Variants in IL36B observed in about 807,000 individuals in gnomAD.
IL36B encodes interleukin-36 beta.
A neutral mutation model predicts 19.3 loss-of-function variants in IL36B; 23 were observed. The ratio of observed to expected loss-of-function variants is 1.19; its 90% confidence interval spans 0.86 to 1.69. The LOEUF (loss-of-function observed/expected upper bound fraction) is 1.69, where lower values mean the gene tolerates loss of function less well. Among genes scored for constraint, IL36B ranks in the 40% most tolerant of loss-of-function variants. The probability of loss-of-function intolerance (pLI) is 0.00; values close to 1 mark genes in which losing one functional copy is unlikely to be tolerated. For synonymous variants in IL36B, 59 were observed against 59.7 expected, an observed-to-expected ratio of 0.99 and a Z score of 0.05; for missense variants, 217 against 200.5, an observed-to-expected ratio of 1.08 and a Z score of -0.50.
intron 3 of IL36B, 67 bp from the exon 4 acceptor site, chr2:113,029,145 C>T (rs989169246): frequency 1.3e-5 from 19 of 1,508,710 alleles, no homozygotes; most frequent in Non-Finnish European, 9.0e-7. Context: ...GTTACTCCCC[C>T]CAGGTAGGGA....
chr2:113,051,665 T>G (rs994599354), intron 1 of IL36B, among the ~76,000 whole-genome samples: 15 of 152,302 alleles, frequency 9.8e-5, no homozygotes, highest in Non-Finnish European at 7.4e-5. Flanking sequence ...TCGAAAGCGC[T>G]ATGAGCCAAG....
At chr2:113,028,412 A>G (rs1466254480) in intron 4 of IL36B, among the ~76,000 whole-genome samples, 1 of 152,142 alleles carries the variant, frequency 6.6e-6, no homozygotes, top group Non-Finnish European at 1.5e-5. Flanking sequence ...TTTGATATGC[A>G]TTTGTCTGCA....
At chr2:113,040,981 C>T (rs1386903593) in intron 1 of IL36B, among the ~76,000 whole-genome samples, 1 of 151,946 alleles carries the variant, frequency 6.6e-6, no homozygotes, top group Non-Finnish European at 1.5e-5. Flanking sequence ...CTTAGCAACA[C>T]CCTGTCTCTA....
chr2:113,028,195 G>A (rs1279605294), intron 4 of IL36B, 80 bp from the exon 5 acceptor site: 26 of 1,102,356 alleles, frequency 2.4e-5, no homozygotes, highest in Non-Finnish European at 3.4e-5. Flanking sequence ...TGTGTAACAG[G>A]AGAGGGACTG....
chr2:113,046,554 A>G (rs1458034995), intron 1 of IL36B, among the ~76,000 whole-genome samples: 1 of 152,090 alleles, frequency 6.6e-6, no homozygotes, highest in African/African-American at 2.4e-5. Flanking sequence ...CCATTCCATC[A>G]AAGATAAGAC....
At chr2:113,046,305 G>A (rs1685349182) in intron 1 of IL36B, among the ~76,000 whole-genome samples, 1 of 151,174 alleles carries the variant, frequency 6.6e-6, no homozygotes, top group African/African-American at 2.4e-5. Context: ...CACCTCCCGG[G>A]TTCATGCCAT....
chr2:113,026,404 C>T (rs1487514169), intron 4 of IL36B, among the ~76,000 whole-genome samples: 1 of 152,070 alleles, frequency 6.6e-6, no homozygotes, highest in Non-Finnish European at 1.5e-5. Flanking sequence ...AGAGATAATG[C>T]CAGAAGCATA....
chr2:113,049,129 C>T (rs1685398757), intron 1 of IL36B, among the ~76,000 whole-genome samples: 1 of 151,986 alleles, frequency 6.6e-6, no homozygotes, highest in African/African-American at 2.4e-5. Flanking sequence ...TATCTTATAC[C>T]ACATAAAAAC....
At chr2:113,040,607 G>A (rs1685237982) in intron 1 of IL36B, among the ~76,000 whole-genome samples, 3 of 152,038 alleles carry the variant, frequency 2.0e-5, no homozygotes. Flanking sequence ...CAGGCTATCA[G>A]AAAATGAAAG....
At chr2:113,042,164 C>T (rs979339169) in intron 1 of IL36B, among the ~76,000 whole-genome samples, 1 of 152,172 alleles carries the variant, frequency 6.6e-6, no homozygotes, top group Non-Finnish European at 1.5e-5. Flanking sequence ...TCACCTGTCA[C>T]CCTATGTTGT....
intron 4 of IL36B, among the ~76,000 whole-genome samples, chr2:113,026,671 A>C (rs951908477): frequency 2.6e-5 from 4 of 152,222 alleles, no homozygotes; most frequent in African/African-American, 9.6e-5. Flanking sequence ...ACTGGCTTAA[A>C]AGTATCCCTA....
intron 4 of IL36B, 26 bp downstream of exon 4, chr2:113,028,913 C>A (rs1045953285): frequency 1.2e-6 from 2 of 1,609,538 alleles, no homozygotes; most frequent in Non-Finnish European, 1.7e-6. Context: ...GACAGTACTT[C>A]TCTCGTTAGC....
chr2:113,044,097 G>T (rs1426866029), intron 1 of IL36B, among the ~76,000 whole-genome samples: 1 of 152,116 alleles, frequency 6.6e-6, no homozygotes, highest in Non-Finnish European at 1.5e-5. Context: ...TGACCCTTGA[G>T]GAAGGCATAT....
At chr2:113,027,711 G>A (rs1053731041) in intron 4 of IL36B, 5 of 1,422,334 alleles carry the variant, frequency 3.5e-6, no homozygotes, top group Non-Finnish European at 4.6e-6. Flanking sequence ...TCTTGGGATA[G>A]TGACATTCGA....
intron 1 of IL36B, among the ~76,000 whole-genome samples, chr2:113,032,946 C>T (rs576083961): frequency 1.6e-3 from 249 of 152,266 alleles, no homozygotes; most frequent in Non-Finnish European, 2.7e-3. Context: ...TGAGGAAATG[C>T]GGATTAGGCC....
chr2:113,043,140 C>A (rs2105054358), intron 1 of IL36B, among the ~76,000 whole-genome samples: 1 of 151,732 alleles, frequency 6.6e-6, no homozygotes, highest in Admixed American at 6.6e-5. Flanking sequence ...TTTTTGTTTC[C>A]TTTTTATTAA....
Position 113,038,230 on chromosome 2 carries a change from T to C in IL36B, c.-57-6464A>G, listed in dbSNP as rs1007441882. On this transcript the variant is annotated intron_variant, in intron 1 of 5. Transcript: ENST00000259213. ...ATGCTTTTCTTCTTGCTACAAGTTG[T>C]TGAAAGAGAGGCCTTCTGAGAACAG... Among the ~76,000 whole-genome samples, 5 of 152,298 alleles carry C rather than the reference T, an allele frequency of 3.3e-5. No homozygotes were observed. The East Asian group carries it at 9.7e-4, about 29-fold the overall frequency.
intron 1 of IL36B, among the ~76,000 whole-genome samples, chr2:113,035,553 G>C (rs1327816131): frequency 6.6e-6 from 1 of 152,014 alleles, no homozygotes; most frequent in Non-Finnish European, 1.5e-5. Context: ...TGGCAGGGAT[G>C]TTGTTAGAGG....
chr2:113,023,954 G>A (rs1684907749), intron 5 of IL36B, among the ~76,000 whole-genome samples: 1 of 152,148 alleles, frequency 6.6e-6, no homozygotes, highest in Admixed American at 6.5e-5. Context: ...AGCTTATAGA[G>A]CTTTTTACAT....
Sources: allele counts gnomAD v4.1 joint callset (sites outside exome capture counted in the v4.1 genomes callset), GRCh38; gene constraint gnomAD v4.1.1; transcripts MANE v1.5; gene names NCBI Gene and HGNC (gene_info 2026-07-23, HGNC 2026-07-21).